The following UBAC2 variants were observed in gnomAD, a reference collection of about 807,000 sequenced individuals.
The protein encoded by UBAC2 is ubiquitin-associated domain-containing protein 2.
In UBAC2, 26 loss-of-function variants were observed where a neutral mutation model predicts 44.0. That is an observed-to-expected ratio of 0.59 (90% CI 0.43 to 0.82). UBAC2 has a LOEUF of 0.82. Ranked by LOEUF, UBAC2 falls within the 40% of genes least tolerant of loss-of-function variation. The pLI is 0.00. For missense variants in UBAC2, 329 were observed against 419.4 expected (o/e 0.78, Z 1.88); for synonymous variants, 155 against 154.3 (o/e 1.00, Z -0.04).
chr13:99,218,120 T>C (rs775894070), intron 1 of UBAC2, among the ~76,000 whole-genome samples: 5 of 152,362 alleles, frequency 3.3e-5, no homozygotes, highest in African/African-American at 1.2e-4. Context: ...TTTAAACTTA[T>C]TTTGGCTTTT....
intron 5 of UBAC2, among the ~76,000 whole-genome samples, chr13:99,317,619 T>C (rs2044510272): frequency 6.6e-6 from 1 of 152,230 alleles, no homozygotes; most frequent in Admixed American, 6.5e-5. Flanking sequence ...GAAAGTTATT[T>C]ACATAAATAT....
chr13:99,360,515 G>A (rs553985215), intron 7 of UBAC2, among the ~76,000 whole-genome samples: 2 of 152,126 alleles, frequency 1.3e-5, no homozygotes, highest in African/African-American at 4.8e-5. Flanking sequence ...AGTTATTCTG[G>A]CTCTAGAGAC....
chr13:99,345,399 A>G (rs2044959216), intron 7 of UBAC2, among the ~76,000 whole-genome samples: 1 of 151,108 alleles, frequency 6.6e-6, no homozygotes, highest in Non-Finnish European at 1.5e-5. Context: ...GGAGACAAAT[A>G]GAAGGAGGTT....
chr13:99,308,927 T>C (rs1037064441), intron 4 of UBAC2: 3 of 152,244 alleles, frequency 2.0e-5, no homozygotes, highest in Admixed American at 2.0e-4. Context: ...ACTAGTTCAT[T>C]TAAAACTTAG....
chr13:99,210,037 C>T (rs115632367), intron 1 of UBAC2, among the ~76,000 whole-genome samples: 299 of 152,156 alleles, frequency 2.0e-3, no homozygotes, highest in African/African-American at 6.2e-3. Flanking sequence ...GAGGGACAAG[C>T]TTAAGAGAGG....
Position 99,340,418 on chromosome 13 carries a change from C to G in UBAC2, c.660C>G (p.Pro220=), listed in dbSNP as rs1201740656. ...AATTCTTTTCTTGGACACTTGAACC[C>G]ATCTTCTCTTCTTCAGAACCCACCA... ...MAKFFSWTLE[P]IFSSSEPTSE... Residue 220 remains proline, a synonymous_variant, in exon 7 of 9, where the codon CCC becomes CCG. Transcript: ENST00000403766. The G allele has an allele frequency of 6.2e-7, 1 of 1,614,220 alleles. No homozygotes were observed. Among genetic ancestry groups the G allele is most frequent in the East Asian group, 2.2e-5 (1 of 44,892 alleles).
chr13:99,329,213 A>G (rs1474859589), intron 6 of UBAC2, among the ~76,000 whole-genome samples: 1 of 152,234 alleles, frequency 6.6e-6, no homozygotes, highest in Non-Finnish European at 1.5e-5. Flanking sequence ...AAGTCTTGCA[A>G]TCAGGCAATA....
intron 8 of UBAC2, among the ~76,000 whole-genome samples, chr13:99,380,327 T>C (rs1481311938): frequency 6.6e-6 from 1 of 152,114 alleles, no homozygotes; most frequent in Non-Finnish European, 1.5e-5. Context: ...ACATGCCGAG[T>C]AAGCTTTCCC....
chr13:99,228,983 T>C (rs1242060631), intron 1 of UBAC2, among the ~76,000 whole-genome samples: 6 of 152,240 alleles, frequency 3.9e-5, no homozygotes, highest in African/African-American at 1.4e-4. Context: ...ATGAATAAGA[T>C]GAAGGTGCAT....
chr13:99,201,007 T>G, intron 1 of UBAC2, 68 bp downstream of exon 1: 1 of 1,295,810 alleles, frequency 7.7e-7, no homozygotes, highest in Non-Finnish European at 9.9e-7. Context: ...TTGAGGAGGC[T>G]GGGGCAGCGG....
intron 1 of UBAC2, among the ~76,000 whole-genome samples, chr13:99,207,442 C>T (rs1281978609): frequency 6.6e-6 from 1 of 152,222 alleles, no homozygotes; most frequent in African/African-American, 2.4e-5. Flanking sequence ...TGACCACCTT[C>T]TTTCCAGCTC....
intron 4 of UBAC2, among the ~76,000 whole-genome samples, chr13:99,248,110 C>T (rs2043411077): frequency 2.0e-5 from 3 of 152,182 alleles, no homozygotes; most frequent in African/African-American, 7.2e-5. Context: ...TTTGGGCTAT[C>T]TTGCCCACTT....
intron 4 of UBAC2, among the ~76,000 whole-genome samples, chr13:99,306,374 G>T (rs1041941013): frequency 2.6e-5 from 4 of 152,138 alleles, no homozygotes; most frequent in Admixed American, 6.5e-5. Context: ...AGGTAAAGCA[G>T]CTGAAGCCAG....
chr13:99,385,134 C>T, intron 8 of UBAC2, 94 bp from the exon 9 acceptor site: 2 of 922,140 alleles, frequency 2.2e-6, no homozygotes, highest in Non-Finnish European at 3.6e-6. Context: ...ACAGTTTTGA[C>T]CTTTGCCACA....
chr13:99,279,641 C>G (rs2043927585), intron 4 of UBAC2, among the ~76,000 whole-genome samples: 1 of 152,210 alleles, frequency 6.6e-6, no homozygotes, highest in East Asian at 1.9e-4. Context: ...ACAAAATGCC[C>G]TAGACTGTGT....
At chr13:99,236,136 T>C (rs2043229918) in intron 1 of UBAC2, among the ~76,000 whole-genome samples, 1 of 152,216 alleles carries the variant, frequency 6.6e-6, no homozygotes, top group Non-Finnish European at 1.5e-5. Flanking sequence ...TCCAGGACGT[T>C]GGTCTGGGCA....
At chr13:99,237,271 T>C (rs9585027) in intron 1 of UBAC2, among the ~76,000 whole-genome samples, 50,888 of 144,872 alleles carry the variant, frequency 0.35, 9,445 homozygotes, top group Middle Eastern at 0.52. Flanking sequence ...TATATATATA[T>C]ACACACACAC....
rs1249733468 is a variant in UBAC2, at chr13:99,279,303, G to A, written c.389+34679G>A. 2.0e-5 allele frequency among the ~76,000 whole-genome samples: 3 copies of A among 152,130 alleles called. No homozygotes were observed. In the East Asian group the frequency reaches 5.8e-4, roughly 29 times the overall value. On this transcript the variant is annotated intron_variant, in intron 4 of 8. Transcript: ENST00000403766. ...ACAGAGCAAAGTTGACTAATAAAAAGTTGATCAAAATTTGTATCTAGAATG... is the reference window on the plus strand; with the variant it reads ...ACAGAGCAAAGTTGACTAATAAAAAATTGATCAAAATTTGTATCTAGAATG...
intron 3 of UBAC2, 88 bp from the exon 4 acceptor site, chr13:99,244,427 A>G (rs2043356752): frequency 1.2e-6 from 1 of 866,128 alleles, no homozygotes; most frequent in East Asian, 2.6e-5. Flanking sequence ...ATATGAATAC[A>G]CACCTCTGAG....
Sources: allele counts gnomAD v4.1 joint callset (sites outside exome capture counted in the v4.1 genomes callset), GRCh38; gene constraint gnomAD v4.1.1; transcripts MANE v1.5; gene names NCBI Gene and HGNC (gene_info 2026-07-23, HGNC 2026-07-21).